PMEPA1: variants seen among roughly 807,000 people sequenced by gnomAD.
The protein encoded by PMEPA1 is prostate transmembrane protein, androgen induced 1, also known as protein TMEPAI.
Under a neutral mutation model 23.0 loss-of-function variants are expected in PMEPA1, and 11 were observed. That is an observed-to-expected ratio of 0.48 (90% CI 0.30 to 0.79). PMEPA1 has a LOEUF of 0.79. PMEPA1 is among the 30% of genes least tolerant of loss of function. PMEPA1 has a pLI of 0.06. For missense variants in PMEPA1, 377 were observed against 390.9 expected, an observed-to-expected ratio of 0.96 and a Z score of 0.30; for synonymous variants, 204 against 166.4, an observed-to-expected ratio of 1.23 and a Z score of -1.74.
intron 1 of PMEPA1, among the ~76,000 whole-genome samples, chr20:57,697,124 G>A (rs1487767891): frequency 6.6e-6 from 1 of 152,230 alleles, no homozygotes; most frequent in Non-Finnish European, 1.5e-5. Context: ...AGGGTGACAA[G>A]GAGGAGCAGA....
intron 1 of PMEPA1, among the ~76,000 whole-genome samples, chr20:57,687,525 C>T (rs932430098): frequency 6.6e-6 from 1 of 152,228 alleles, no homozygotes. Context: ...CACTCCTTCT[C>T]AAAGAGCCCA....
intron 1 of PMEPA1, among the ~76,000 whole-genome samples, chr20:57,671,670 G>C (rs1422430669): frequency 6.6e-6 from 1 of 152,162 alleles, no homozygotes; most frequent in Non-Finnish European, 1.5e-5. Flanking sequence ...CACATTATGG[G>C]ATGAGGCCAT....
intron 1 of PMEPA1, among the ~76,000 whole-genome samples, chr20:57,665,919 C>T (rs1052502680): frequency 1.6e-4 from 24 of 152,228 alleles, no homozygotes; most frequent in African/African-American, 5.5e-4. Context: ...CCTTTCTCTC[C>T]CCCAAGGGCC....
At chr20:57,695,384 C>T (rs1035501045) in intron 1 of PMEPA1, among the ~76,000 whole-genome samples, 4 of 152,252 alleles carry the variant, frequency 2.6e-5, no homozygotes, top group Admixed American at 1.3e-4. Context: ...CTCTGGTACC[C>T]GTTACGGGCC....
At chr20:57,710,730 G>A, upstream of PMEPA1, 1 of 464,226 alleles carries the variant, frequency 2.2e-6, no homozygotes, top group South Asian at 4.1e-5. Context: ...CGCGGCTGCG[G>A]AGTTCAAAAG....
intron 2 of PMEPA1, among the ~76,000 whole-genome samples, chr20:57,654,321 C>T (rs1460469494): frequency 6.6e-6 from 1 of 152,204 alleles, no homozygotes; most frequent in Non-Finnish European, 1.5e-5. Flanking sequence ...CCTCTCACCA[C>T]AATCAAGATA....
intron 1 of PMEPA1, among the ~76,000 whole-genome samples, chr20:57,706,234 G>A (rs2072085183): frequency 6.6e-6 from 1 of 152,170 alleles, no homozygotes; most frequent in Non-Finnish European, 1.5e-5. Context: ...TTTCCCGAGA[G>A]CGAACTTAGC....
intron 1 of PMEPA1, among the ~76,000 whole-genome samples, chr20:57,670,200 T>TGGGGAGGGGGGGGG (rs2071548672): frequency 3.2e-5 from 1 of 30,784 alleles, no homozygotes; most frequent in Non-Finnish European, 6.6e-5. Flanking sequence ...GAGGTAGGGG[T>TGGGGAGGGGGGGGG]GGGGTGGGGG....
intron 1 of PMEPA1, among the ~76,000 whole-genome samples, chr20:57,661,644 A>G (rs1227370619): frequency 1.3e-5 from 2 of 152,264 alleles, no homozygotes; most frequent in East Asian, 3.9e-4. Context: ...TGGCAACTGG[A>G]GAAAAAACAG....
At chr20:57,670,819 C>T (rs2071557713) in intron 1 of PMEPA1, among the ~76,000 whole-genome samples, 1 of 152,186 alleles carries the variant, frequency 6.6e-6, no homozygotes, top group Non-Finnish European at 1.5e-5. Flanking sequence ...CCTTTTTATA[C>T]CACCCAGAGA....
intron 1 of PMEPA1, among the ~76,000 whole-genome samples, chr20:57,660,631 A>G (rs1289865117): frequency 1.5e-5 from 2 of 136,706 alleles, no homozygotes; most frequent in Admixed American, 7.3e-5. Flanking sequence ...TACACACACA[A>G]CACCCCAACA....
At chr20:57,667,223 C>G (rs2071505847) in intron 1 of PMEPA1, among the ~76,000 whole-genome samples, 1 of 152,142 alleles carries the variant, frequency 6.6e-6, no homozygotes, top group African/African-American at 2.4e-5. Flanking sequence ...CTTTCCCATC[C>G]AAGTTTCTGG....
At chr20:57,664,211 C>T (rs1362251070) in intron 1 of PMEPA1, among the ~76,000 whole-genome samples, 1 of 152,220 alleles carries the variant, frequency 6.6e-6, no homozygotes, top group East Asian at 1.9e-4. Context: ...ACCCTCTCCA[C>T]AGGCCTGGTC....
At chr20:57,657,477 C>T (rs1292470945) in intron 2 of PMEPA1, among the ~76,000 whole-genome samples, 1 of 152,242 alleles carries the variant, frequency 6.6e-6, no homozygotes, top group Non-Finnish European at 1.5e-5. Context: ...TCCCTGATGG[C>T]ATCCCTGGGC....
Position 57,704,469 on chromosome 20 carries a change from G to A in PMEPA1, c.109+5005C>T, listed in dbSNP as rs890544368. Among the ~76,000 whole-genome samples the A allele has an allele frequency of 6.6e-6, 1 of 152,160 alleles. No homozygotes were observed. The highest frequency in any genetic ancestry group is 1.5e-5 in the Non-Finnish European group (1 of 68,028). ...AACACTTTGTAAAAAGCAAAAAATG[G>A]GCCCTCGGCTTCAATCTCCTTCTCT... On this transcript the variant is annotated intron_variant, in intron 1 of 3. Transcript: ENST00000341744. The surrounding 1 kb of genome is among the most constrained non-coding windows in gnomAD (Gnocchi z 4.6).
Position 57,683,568 on chromosome 20 carries a change from T to C in PMEPA1, c.110-23871A>G, listed in dbSNP as rs368251306. On this transcript the variant is annotated intron_variant, in intron 1 of 3. Coordinates refer to ENST00000341744, the MANE Select transcript of PMEPA1 (RefSeq NM_020182.5). The surrounding 1 kb of genome is among the most constrained non-coding windows in gnomAD (Gnocchi z 4.3). ...TGGCCTGTGTGCGTGTGTGTGTGTG[T>C]GTGTGTGTGTGTGTGTTTCTTTTAA... Among the ~76,000 whole-genome samples, 5 of 143,524 alleles carry C rather than the reference T, an allele frequency of 3.5e-5. No homozygotes were observed. Among genetic ancestry groups the C allele is most frequent in the East Asian group, 1.9e-4 (1 of 5,190 alleles). 94.2% of individuals were successfully genotyped at this position (143,524 alleles called of 152,430 possible).
Position 57,695,739 on chromosome 20 carries a change from C to A in PMEPA1, c.109+13735G>T, listed in dbSNP as rs537955141. On this transcript the variant is annotated intron_variant, in intron 1 of 3. Coordinates refer to ENST00000341744, the MANE Select transcript of PMEPA1 (RefSeq NM_020182.5). ...AAGTGGCCTGAGTTTCCTCCTCCCC[C>A]TCACCAGACCTCAACTTACCCATCT... Among the ~76,000 whole-genome samples the A allele has an allele frequency of 1.2e-4, 19 of 152,356 alleles. No homozygotes were observed. The South Asian group carries it at 3.3e-3, about 27-fold the overall frequency.
chr20:57,693,629 A>C (rs1042663269), intron 1 of PMEPA1, among the ~76,000 whole-genome samples: 6 of 152,230 alleles, frequency 3.9e-5, no homozygotes, highest in African/African-American at 7.2e-5. Flanking sequence ...GTACATGAGG[A>C]GGCTAAATAA....
intron 1 of PMEPA1, among the ~76,000 whole-genome samples, chr20:57,668,871 T>C (rs988526021): frequency 1.3e-5 from 2 of 152,180 alleles, no homozygotes; most frequent in Non-Finnish European, 2.9e-5. Context: ...GCTCCCTTCA[T>C]TGCCTTGATC....
Sources: allele counts gnomAD v4.1 joint callset (sites outside exome capture counted in the v4.1 genomes callset), GRCh38; gene constraint gnomAD v4.1.1; non-coding constraint Gnocchi (gnomAD v3.1); transcripts MANE v1.5; gene names NCBI Gene and HGNC (gene_info 2026-07-23, HGNC 2026-07-21).